Variants in FMN1 observed in about 807,000 individuals in gnomAD.
The protein encoded by FMN1 is formin 1.
Under a neutral mutation model 132.4 loss-of-function variants are expected in FMN1, and 110 were observed. That is an observed-to-expected ratio of 0.83 (90% confidence interval 0.71 to 0.97). The LOEUF (loss-of-function observed/expected upper bound fraction) is 0.97. FMN1 is among the 50% of genes least tolerant of loss of function. The probability of loss-of-function intolerance (pLI) is 0.00; values close to 1 mark genes in which losing one functional copy is unlikely to be tolerated. For missense variants in FMN1, 1,792 were observed against 1,705.3 expected, an observed-to-expected ratio of 1.05 and a Z score of -0.90; for synonymous variants, 722 against 651.7, an observed-to-expected ratio of 1.11 and a Z score of -1.64.
chr15:32,831,253 G>A (rs543117232), intron 17 of FMN1, among the ~76,000 whole-genome samples: 1 of 151,772 alleles, frequency 6.6e-6, no homozygotes, highest in African/African-American at 2.4e-5. Flanking sequence ...GGGTTTCGCT[G>A]TGTCAACCAG....
At chr15:32,948,541 A>G (rs1015333783) in intron 9 of FMN1, among the ~76,000 whole-genome samples, 3 of 151,990 alleles carry the variant, frequency 2.0e-5, no homozygotes, top group Non-Finnish European at 4.4e-5. Flanking sequence ...TTAAACTACT[A>G]ATTTAATTAA....
intron 10 of FMN1, among the ~76,000 whole-genome samples, chr15:32,916,228 T>C (rs79009592): frequency 0.048 from 7,278 of 152,132 alleles, 252 homozygotes; most frequent in South Asian, 0.12. Flanking sequence ...CCCCTCCGGG[T>C]AAGAGATGGC....
intron 6 of FMN1, among the ~76,000 whole-genome samples, chr15:33,028,170 G>T (rs56198138): frequency 0.025 from 3,862 of 152,274 alleles, 174 homozygotes; most frequent in African/African-American, 0.088. Context: ...ATTGGCATGA[G>T]ATGCGTGTTA....
intron 6 of FMN1, among the ~76,000 whole-genome samples, chr15:33,011,841 G>T (rs987293621): frequency 6.6e-6 from 1 of 152,092 alleles, no homozygotes; most frequent in Non-Finnish European, 1.5e-5. Flanking sequence ...ATGTTAAAAG[G>T]TGCTCCTTAT....
chr15:32,791,051 G>A (rs1295160127), intron 19 of FMN1, among the ~76,000 whole-genome samples: 3 of 152,094 alleles, frequency 2.0e-5, no homozygotes, highest in African/African-American at 7.2e-5. Context: ...GAAATAATGG[G>A]GGGAATGCGG....
chr15:33,032,388 T>G (rs913980877), intron 6 of FMN1, among the ~76,000 whole-genome samples: 1 of 152,222 alleles, frequency 6.6e-6, no homozygotes, highest in Non-Finnish European at 1.5e-5. Context: ...TTCAAAAACA[T>G]TGAATTTCTT....
In FMN1 at chr15:33,154,861, G is replaced by C. The variant is rs1256140688; in HGVS notation, c.54C>G (p.Cys18Trp). The C allele has an allele frequency of 6.5e-7, 1 of 1,536,226 alleles. No homozygotes were observed. The highest frequency in any genetic ancestry group is 8.7e-7 in the Non-Finnish European group (1 of 1,146,926). Residue 18 changes from cysteine to tryptophan, a missense_variant, in exon 4 of 21, where the codon TGC (cysteine) becomes TGG (tryptophan). Coordinates refer to ENST00000616417, the MANE Select transcript of FMN1 (RefSeq NM_001277313.2). ...CCTTTGGAAGACAGAAGCTGATGTA[G>C]CAGAGTTCCGTAATGGGCTTATGCA... ...LQLHKPITEL[C>W]YISFCLPKGE...
At chr15:32,970,832 T>G (rs1276046984) in intron 7 of FMN1, 3 of 152,188 alleles carry the variant, frequency 2.0e-5, no homozygotes, top group Non-Finnish European at 4.4e-5. Context: ...TTTACTAGGT[T>G]CAACTTTTCT....
chr15:32,969,785 CA>C (rs1358465271), intron 7 of FMN1, among the ~76,000 whole-genome samples: 12 of 152,276 alleles, frequency 7.9e-5, no homozygotes, highest in South Asian at 2.1e-4. Flanking sequence ...ATATCAAACA[CA>C]AAACTTTTAA....
At chr15:32,944,065 G>GT (rs1337764186) in intron 9 of FMN1, among the ~76,000 whole-genome samples, 8 of 152,188 alleles carry the variant, frequency 5.3e-5, no homozygotes, top group African/African-American at 1.9e-4. Flanking sequence ...AATGGGACAG[G>GT]TAAGCAATGA....
chr15:33,128,317 C>A (rs1319388016), intron 4 of FMN1, among the ~76,000 whole-genome samples: 1 of 152,184 alleles, frequency 6.6e-6, no homozygotes, highest in African/African-American at 2.4e-5. Flanking sequence ...TAGGCCCGAC[C>A]ATCAACGGGG....
intron 6 of FMN1, among the ~76,000 whole-genome samples, chr15:33,030,531 C>T (rs1449116243): frequency 3.9e-5 from 6 of 152,166 alleles, no homozygotes; most frequent in South Asian, 2.1e-4. Context: ...TTAATGGGGA[C>T]ATTAGGATCT....
chr15:32,887,617 G>A (rs191672930), intron 16 of FMN1, among the ~76,000 whole-genome samples: 10 of 152,294 alleles, frequency 6.6e-5, no homozygotes, highest in Non-Finnish European at 1.3e-4. Flanking sequence ...GTGTGTATGT[G>A]TACGATATGT....
chr15:32,982,399 C>T (rs1050190666), intron 7 of FMN1, among the ~76,000 whole-genome samples: 17 of 152,164 alleles, frequency 1.1e-4, no homozygotes, highest in African/African-American at 2.9e-4. Context: ...TATCAACTAT[C>T]GATCCCACTC....
chr15:33,082,020 G>GGGGTGT (rs1355703560), intron 5 of FMN1, among the ~76,000 whole-genome samples: 79 of 117,822 alleles, frequency 6.7e-4, no homozygotes, highest in African/African-American at 2.4e-3. Flanking sequence ...AGAGTTCAGG[G>GGGGTGT]GTGTGTGTGT....
At chr15:33,111,348 G>A (rs1387844616) in intron 4 of FMN1, among the ~76,000 whole-genome samples, 1 of 152,162 alleles carries the variant, frequency 6.6e-6, no homozygotes, top group African/African-American at 2.4e-5. Context: ...AGGCTGTGAA[G>A]AAGTTGGGAC....
In FMN1 at chr15:32,962,645, A is replaced by C. The variant is rs918264209; in HGVS notation, c.3138+1462T>G. On this transcript the variant is annotated intron_variant, in intron 9 of 20. Transcript: ENST00000616417. ...TACAATAAACTCAAACAAATTTACAAGAAAAAAACAAACAACCCCATCAAA... is the reference window on the plus strand; with the variant it reads ...TACAATAAACTCAAACAAATTTACACGAAAAAAACAAACAACCCCATCAAA... Among the ~76,000 whole-genome samples, 160 of 150,436 alleles carry C rather than the reference A, an allele frequency of 1.1e-3. 1 individual carries two copies. The highest frequency in any genetic ancestry group is 0.01 in the Middle Eastern group (3 of 292).
At chr15:32,942,451 G>A (rs1432785587) in intron 9 of FMN1, among the ~76,000 whole-genome samples, 2 of 152,288 alleles carry the variant, frequency 1.3e-5, no homozygotes, top group East Asian at 3.9e-4. Flanking sequence ...CTTTCTGCCT[G>A]AGCTTGGCAG....
intron 16 of FMN1, among the ~76,000 whole-genome samples, chr15:32,857,384 TGGGATAGGTAAAGTA>T (rs1385789836): frequency 6.6e-6 from 1 of 152,218 alleles, no homozygotes; most frequent in Non-Finnish European, 1.5e-5. Flanking sequence ...GTCTCTGACC[TGGGATAGGTAAAGTA>T]TTCTGCTTGT....
Sources: allele counts gnomAD v4.1 joint callset (sites outside exome capture counted in the v4.1 genomes callset), GRCh38; gene constraint gnomAD v4.1.1; transcripts MANE v1.5; gene names NCBI Gene and HGNC (gene_info 2026-07-23, HGNC 2026-07-21).